AKAP8: variants seen among roughly 807,000 people sequenced by gnomAD.
AKAP8 encodes A-kinase anchoring protein 8.
In AKAP8, 24 loss-of-function variants were observed where a neutral mutation model predicts 67.5. The ratio of observed to expected loss-of-function variants is 0.36; its 90% CI spans 0.26 to 0.50. The LOEUF is 0.50. AKAP8 is among the 20% of genes least tolerant of loss of function. AKAP8 has a pLI of 0.97. For missense variants in AKAP8, 971 were observed against 955.9 expected (o/e 1.02, Z -0.21); for synonymous variants, 400 against 371.1 (o/e 1.08, Z -0.90).
At chr19:15,362,056 C>T (rs932051233) in intron 10 of AKAP8, 54 bp downstream of exon 10, 19 of 1,601,454 alleles carry the variant, frequency 1.2e-5, no homozygotes, top group Middle Eastern at 3.3e-4. Context: ...TCAAGGGATC[C>T]GGCACCTGCG....
chr19:15,366,577 G>A (rs911324850), intron 9 of AKAP8, among the ~76,000 whole-genome samples: 1 of 149,754 alleles, frequency 6.7e-6, no homozygotes, highest in Non-Finnish European at 1.5e-5. Flanking sequence ...CGTCGCCCAC[G>A]CTGGAGTGCA....
chr19:15,370,820 C>T (rs949486693), intron 7 of AKAP8, among the ~76,000 whole-genome samples: 16 of 151,948 alleles, frequency 1.1e-4, no homozygotes, highest in African/African-American at 3.6e-4. Flanking sequence ...TCAGTAGAGA[C>T]GGGGTTTCAC....
rs903719816 is a variant in AKAP8 at position 15,369,676 on chromosome 19, C to T, written c.1072+470G>A. Among the ~76,000 whole-genome samples, 4 of 152,218 alleles carry T rather than the reference C, an allele frequency of 2.6e-5. No homozygotes were observed. Among genetic ancestry groups the T allele is most frequent in the Non-Finnish European group, 5.9e-5 (4 of 68,044 alleles). Reference sequence around the variant, plus strand: ...GTGTCTGCTGTCACACACTCGCAGGCACGAAGCAATGTGCAGTGCAGCTGC... The same window carrying T: ...GTGTCTGCTGTCACACACTCGCAGGTACGAAGCAATGTGCAGTGCAGCTGC... On this transcript the variant is annotated intron_variant, in intron 8 of 13. Transcript: ENST00000269701. The surrounding 1 kb of genome is among the most constrained non-coding windows in gnomAD (Gnocchi z 4.6).
chr19:15,372,454 C>A, intron 5 of AKAP8, 107 bp from the exon 6 acceptor site: 1 of 1,442,152 alleles, frequency 6.9e-7, no homozygotes, highest in Non-Finnish European at 9.4e-7. Context: ...CACAAAAGGT[C>A]TTTTCAAAAA....
At chr19:15,361,092 G>T in intron 11 of AKAP8, 114 bp from the exon 12 acceptor site, 1 of 1,361,550 alleles carries the variant, frequency 7.3e-7, no homozygotes, top group Non-Finnish European at 9.9e-7. Flanking sequence ...GAAGGGCACA[G>T]CCTGCCTTTC....
In AKAP8 at chr19:15,374,080, G is replaced by A. The variant is rs1416021919; in HGVS notation, c.92-15C>T. ...GTTTTCATAACCTGTCACAGGGGGA[G>A]GAGCCAAGTCAGACTTCAGCAGCCA... On this transcript the variant is annotated splice_polypyrimidine_tract_variant and intron_variant, in intron 3 of 13. Transcript: ENST00000269701. 2.0e-6 allele frequency: 3 copies of A among 1,535,272 alleles called. No homozygotes were observed. The highest frequency in any genetic ancestry group is 2.6e-6 in the Non-Finnish European group (3 of 1,143,678).
At chr19:15,375,053 A>G (rs896121173) in intron 2 of AKAP8, among the ~76,000 whole-genome samples, 1 of 152,210 alleles carries the variant, frequency 6.6e-6, no homozygotes, top group Non-Finnish European at 1.5e-5. Flanking sequence ...AACTCAAGCG[A>G]AAAAGAGGAC....
At chr19:15,358,908 C>G (rs1048128143) in intron 13 of AKAP8, 59 bp downstream of exon 13, 1 of 1,501,552 alleles carries the variant, frequency 6.7e-7, no homozygotes, top group Non-Finnish European at 9.3e-7. Flanking sequence ...CTCCCTGCTC[C>G]TGGGGTTCAT....
At chr19:15,374,902 C>T (rs1190906894) in intron 2 of AKAP8, among the ~76,000 whole-genome samples, 1 of 152,316 alleles carries the variant, frequency 6.6e-6, no homozygotes, top group African/African-American at 2.4e-5. Flanking sequence ...CCAGGAAGCT[C>T]GTCCACTGTG....
In AKAP8 at chr19:15,372,862, C is replaced by A. The variant is rs369628844; in HGVS notation, c.850G>T (p.Asp284Tyr). ...GCGRSQPRMR[D>Y]RDRPKRRGFD... The stretch of plus-strand genomic sequence containing the variant: ...TTGCGAGGGCTTACCCGATCCCGAT[C>A]CCGCATCCGAGGCTGCGAGCGGCCA... Residue 284 changes from aspartate (D) to tyrosine (Y), a missense_variant, in exon 5 of 14, where the codon GAT (aspartate) becomes TAT (tyrosine). This residue lies in a region of AKAP8 where 763 missense variants were observed against 745.4 expected (regional missense o/e 1.02). Transcript: ENST00000269701. The A allele has an allele frequency of 2.8e-5, 42 of 1,500,572 alleles. No homozygotes were observed. The highest frequency in any genetic ancestry group is 3.6e-5 in the Non-Finnish European group (40 of 1,125,488). 93.0% of individuals were successfully genotyped at this position (1,500,572 alleles called of 1,614,324 possible).
Position 15,362,051 on chromosome 19 carries a change from G to A in AKAP8, c.1302+59C>T, listed in dbSNP as rs900546920. On this transcript the variant is annotated intron_variant, in intron 10 of 13. Coordinates refer to ENST00000269701, the MANE Select transcript of AKAP8 (RefSeq NM_005858.4). ...CTCTGATTTCCCTTCCTCCTTCAAG[G>A]GATCCGGCACCTGCGGGATGGGCAA... is the stretch of plus-strand genomic sequence containing the variant. 10 of 1,595,880 alleles carry A rather than the reference G, an allele frequency of 6.3e-6. No individual in the cohort carries two copies. The East Asian group carries it at 2.2e-4, about 36-fold the overall frequency.
intron 8 of AKAP8, chr19:15,368,594 C>T: frequency 1.0e-6 from 1 of 985,296 alleles, no homozygotes; most frequent in Non-Finnish European, 1.2e-6. Flanking sequence ...CCCATGTGCA[C>T]CACAGCCCCC....
chr19:15,356,970 T>C (rs1966892583), intron 13 of AKAP8, among the ~76,000 whole-genome samples: 1 of 151,958 alleles, frequency 6.6e-6, no homozygotes, highest in Non-Finnish European at 1.5e-5. Flanking sequence ...CTCTCTTTTC[T>C]TTTTTTGAGA....
At chr19:15,362,067 G>A (rs1966975538) in intron 10 of AKAP8, 43 bp downstream of exon 10, 1 of 1,607,878 alleles carries the variant, frequency 6.2e-7, no homozygotes. Flanking sequence ...GGCACCTGCG[G>A]GATGGGCAAG....
At position 15,364,057 on chromosome 19, in the gene AKAP8, AAAATAAATAAATAAAT is replaced by A. The variant is rs71176405; in HGVS notation, c.1161-1822_1161-1807del. Among the ~76,000 whole-genome samples, 102 of 83,032 alleles carry A rather than the reference AAAATAAATAAATAAAT, an allele frequency of 1.2e-3. No homozygotes were observed. The East Asian group carries it at 0.017, about 14-fold the overall frequency. 54.5% of individuals were successfully genotyped at this position (83,032 alleles called of 152,430 possible). On this transcript the variant is annotated intron_variant, in intron 9 of 13. Transcript: ENST00000269701. The stretch of plus-strand genomic sequence containing the variant: ...GAGAAACACCCAAGAATGATCAATA[AAAATAAATAAATAAAT>A]AAATAAATAAATAAATAAATAAATT...
intron 13 of AKAP8, among the ~76,000 whole-genome samples, chr19:15,356,896 G>A (rs1409018562): frequency 3.3e-5 from 5 of 152,072 alleles, no homozygotes; most frequent in Admixed American, 1.3e-4. Context: ...TTTGGGAGGC[G>A]GAAGCAGGCA....
intron 9 of AKAP8, among the ~76,000 whole-genome samples, chr19:15,366,154 G>GAAAAAAAAAAAAAAACAAAAAAAA (rs374068497): frequency 3.2e-5 from 3 of 95,016 alleles, no homozygotes; most frequent in African/African-American, 4.3e-5. Context: ...AAAGCAAAAA[G>GAAAAAAAAAAAAAAACAAAAAAAA]AAAAAAAAAA....
chr19:15,354,826 G>A lies in AKAP8; in HGVS notation c.*89C>T. 6.9e-7 allele frequency: 1 copy of A among 1,449,860 alleles called. No homozygotes were observed. Among genetic ancestry groups the A allele is most frequent in the Non-Finnish European group, 9.4e-7 (1 of 1,062,582 alleles). The allele number at this position is 1,449,860 out of a possible 1,614,324, so 89.8% of individuals were successfully genotyped here. ...AATTAGATTACAGCATATTCTGGGA[G>A]CACACGCCCTTGTACTGCTTACAAA... On this transcript the variant is annotated 3_prime_UTR_variant, in exon 14 of 14. Transcript: ENST00000269701.
intron 1 of AKAP8, 35 bp from the exon 2 acceptor site, chr19:15,377,049 G>A (rs1352222460): frequency 1.9e-6 from 3 of 1,608,194 alleles, no homozygotes; most frequent in East Asian, 4.5e-5. Context: ...AATTCTATTT[G>A]TCACACCAGA....
Sources: allele counts gnomAD v4.1 joint callset (sites outside exome capture counted in the v4.1 genomes callset), GRCh38; gene constraint gnomAD v4.1.1; regional missense constraint gnomAD v4.1.1; non-coding constraint Gnocchi (gnomAD v3.1); transcripts MANE v1.5; gene names NCBI Gene and HGNC (gene_info 2026-07-23, HGNC 2026-07-21).